The following CSMD1 variants were observed in gnomAD, a reference collection of about 807,000 sequenced individuals.
CSMD1 encodes the protein CUB and Sushi multiple domains 1.
CSMD1 carries 213 observed loss-of-function variants against 417.5 expected under a neutral mutation model. The ratio of observed to expected loss-of-function variants is 0.51; its 90% CI spans 0.46 to 0.57. CSMD1 has a LOEUF of 0.57. Ranked by LOEUF, CSMD1 falls within the 20% of genes least tolerant of loss-of-function variation. The pLI is 0.00. For missense variants in CSMD1, 6,923 were observed against 4,529.7 expected (o/e 1.53, Z -15.17); for synonymous variants, 2,862 against 1,736.8 (o/e 1.65, Z -16.11).
chr8:4,441,546 G>C (rs1040046409), intron 2 of CSMD1, among the ~76,000 whole-genome samples: 1 of 152,044 alleles, frequency 6.6e-6, no homozygotes, highest in African/African-American at 2.4e-5. Flanking sequence ...GCAAAACATA[G>C]AAGCACATGA....
At chr8:3,111,771 G>T (rs527403182) in intron 42 of CSMD1, among the ~76,000 whole-genome samples, 3 of 152,204 alleles carry the variant, frequency 2.0e-5, no homozygotes, top group Non-Finnish European at 2.9e-5. Flanking sequence ...GGCAGAGGGT[G>T]TAGTAAGCCG....
chr8:3,979,446 A>C (rs187182710), intron 5 of CSMD1, among the ~76,000 whole-genome samples: 1 of 152,198 alleles, frequency 6.6e-6, no homozygotes. Context: ...ATAAATGTGC[A>C]TGCAACTCAC....
chr8:3,947,543 C>T (rs371007351), intron 5 of CSMD1, among the ~76,000 whole-genome samples: 25 of 152,252 alleles, frequency 1.6e-4, no homozygotes, highest in South Asian at 6.2e-4. Flanking sequence ...ACATAACCCA[C>T]GGGAAAGCTC....
intron 3 of CSMD1, among the ~76,000 whole-genome samples, chr8:4,358,653 T>C (rs114865657): frequency 5.7e-4 from 87 of 152,350 alleles, no homozygotes; most frequent in African/African-American, 2.0e-3. Context: ...GAATTCCTTT[T>C]AGTGCTAACT....
chr8:4,622,536 C>T (rs1194182230), intron 2 of CSMD1, among the ~76,000 whole-genome samples: 5 of 152,218 alleles, frequency 3.3e-5, no homozygotes, highest in African/African-American at 1.2e-4. Context: ...CATGCAGCAC[C>T]CTCTACTGAG....
chr8:4,240,552 T>A (rs1374277410), intron 3 of CSMD1, among the ~76,000 whole-genome samples: 1 of 152,244 alleles, frequency 6.6e-6, no homozygotes, highest in Non-Finnish European at 1.5e-5. Flanking sequence ...CTTAGAAGCC[T>A]GTGCCTCCTG....
At chr8:4,338,356 A>G (rs1432292952) in intron 3 of CSMD1, among the ~76,000 whole-genome samples, 1 of 152,138 alleles carries the variant, frequency 6.6e-6, no homozygotes, top group East Asian at 1.9e-4. Flanking sequence ...TCTTAAGGAA[A>G]CATACAAAAA....
intron 3 of CSMD1, among the ~76,000 whole-genome samples, chr8:4,183,486 C>A (rs998528760): frequency 5.9e-5 from 9 of 152,134 alleles, no homozygotes; most frequent in African/African-American, 2.2e-4. Flanking sequence ...GAGGTGAAAA[C>A]ACTTTGCTTT....
At chr8:3,792,875 C>A (rs1799828089) in intron 5 of CSMD1, among the ~76,000 whole-genome samples, 1 of 152,192 alleles carries the variant, frequency 6.6e-6, no homozygotes, top group South Asian at 2.1e-4. Context: ...ACCCTACATA[C>A]TTGCCTTGAG....
intron 2 of CSMD1, among the ~76,000 whole-genome samples, chr8:4,572,039 C>A (rs753776126): frequency 6.6e-6 from 1 of 152,208 alleles, no homozygotes; most frequent in Non-Finnish European, 1.5e-5. Context: ...CTCCTGAATA[C>A]AGCACACCGA....
intron 1 of CSMD1, among the ~76,000 whole-genome samples, chr8:4,982,510 T>A (rs2977728): frequency 2.0e-5 from 3 of 152,110 alleles, no homozygotes; most frequent in Non-Finnish European, 2.9e-5. Context: ...AAAAAGTGGC[T>A]CAAATCTCTT....
chr8:4,881,460 T>TATC (rs78357486), intron 1 of CSMD1, among the ~76,000 whole-genome samples: 49,408 of 103,868 alleles, frequency 0.48, 8,795 homozygotes, highest in East Asian at 0.55. Context: ...TCTATCTATC[T>TATC]ATCTTGTCTC....
At chr8:4,085,759 G>A (rs556372720) in intron 3 of CSMD1, among the ~76,000 whole-genome samples, 7 of 152,268 alleles carry the variant, frequency 4.6e-5, no homozygotes, top group African/African-American at 1.7e-4. Flanking sequence ...AAGATGTGTG[G>A]CTTCCAGAAG....
chr8:4,459,624 G>C (rs560743755), intron 2 of CSMD1, among the ~76,000 whole-genome samples: 2 of 152,126 alleles, frequency 1.3e-5, no homozygotes, highest in African/African-American at 4.8e-5. Context: ...ATCGCATTGT[G>C]GGTTAGAACA....
chr8:4,048,977 T>G (rs1373682521), intron 3 of CSMD1, among the ~76,000 whole-genome samples: 1 of 152,148 alleles, frequency 6.6e-6, no homozygotes. Flanking sequence ...GTGTGTGAAT[T>G]TCTCTAAGGT....
intron 3 of CSMD1, among the ~76,000 whole-genome samples, chr8:4,078,542 G>A (rs1799951888): frequency 6.6e-6 from 1 of 151,656 alleles, no homozygotes; most frequent in Admixed American, 6.6e-5. Flanking sequence ...GGGATTACAG[G>A]GGTGAGCCAC....
At chr8:4,480,213 G>A (rs1212237167) in intron 2 of CSMD1, among the ~76,000 whole-genome samples, 4 of 148,360 alleles carry the variant, frequency 2.7e-5, no homozygotes, top group South Asian at 4.2e-4. Context: ...AAAAAAAACC[G>A]AGAAGGAAAT....
intron 55 of CSMD1, among the ~76,000 whole-genome samples, chr8:2,975,348 T>C (rs1415711177): frequency 4.6e-5 from 7 of 152,192 alleles, no homozygotes; most frequent in Admixed American, 4.6e-4. Context: ...CTGTACAGTA[T>C]CAAATGAGGG....
At chr8:3,898,705 G>C (rs376580405) in intron 5 of CSMD1, among the ~76,000 whole-genome samples, 4 of 152,186 alleles carry the variant, frequency 2.6e-5, no homozygotes, top group African/African-American at 9.6e-5. Context: ...AGAATGGACA[G>C]GTGTAGGAAT....
Sources: allele counts gnomAD v4.1 joint callset (sites outside exome capture counted in the v4.1 genomes callset), GRCh38; gene constraint gnomAD v4.1.1; transcripts MANE v1.5; gene names NCBI Gene and HGNC (gene_info 2026-07-23, HGNC 2026-07-21).